The following SCFD1 variants were observed in gnomAD, a reference collection of about 807,000 sequenced individuals.
SCFD1 encodes the protein sec1 family domain containing 1.
Under a neutral mutation model 103.2 loss-of-function variants are expected in SCFD1, and 37 were observed. The ratio of observed to expected loss-of-function variants is 0.36; its 90% CI spans 0.28 to 0.47. SCFD1 has a LOEUF of 0.47. SCFD1 is among the 20% of genes least tolerant of loss of function. SCFD1 has a pLI of 1.00. For missense variants in SCFD1, 639 were observed against 761.2 expected (o/e 0.84, Z 1.89); for synonymous variants, 264 against 245.0 (o/e 1.08, Z -0.73).
intron 18 of SCFD1, 50 bp from the exon 19 acceptor site, chr14:30,707,940 G>T: frequency 8.3e-7 from 1 of 1,201,730 alleles, no homozygotes; most frequent in Non-Finnish European, 1.2e-6. Flanking sequence ...ATAACAGATT[G>T]GAGAGGCACT....
intron 23 of SCFD1, among the ~76,000 whole-genome samples, chr14:30,732,238 A>C (rs911927468): frequency 6.6e-6 from 1 of 152,170 alleles, no homozygotes; most frequent in Non-Finnish European, 1.5e-5. Flanking sequence ...TCTATATACA[A>C]GATCATGTTA....
At chr14:30,714,224 G>A (rs992094812) in intron 19 of SCFD1, among the ~76,000 whole-genome samples, 5 of 151,704 alleles carry the variant, frequency 3.3e-5, no homozygotes, top group African/African-American at 4.8e-5. Flanking sequence ...CGCAGTGGCG[G>A]GCGCCTGTAG....
chr14:30,689,939 GT>G (rs1890118933), intron 14 of SCFD1, among the ~76,000 whole-genome samples: 1 of 27,600 alleles, frequency 3.6e-5, no homozygotes, highest in African/African-American at 1.5e-4. Flanking sequence ...CATCTTTGTG[GT>G]TTTATCTACT....
intron 3 of SCFD1, among the ~76,000 whole-genome samples, chr14:30,631,960 A>G (rs1209425913): frequency 1.4e-5 from 2 of 147,762 alleles, no homozygotes; most frequent in African/African-American, 4.9e-5. Flanking sequence ...AGGAAGGACA[A>G]TTGCTTGAAC....
chr14:30,694,518 A>G (rs1321799438), intron 14 of SCFD1, among the ~76,000 whole-genome samples: 1 of 152,040 alleles, frequency 6.6e-6, no homozygotes. Flanking sequence ...TAAAAAAAAA[A>G]TACGGAAAAA....
intron 19 of SCFD1, among the ~76,000 whole-genome samples, chr14:30,709,822 G>A (rs747599599): frequency 3.3e-5 from 5 of 152,098 alleles, no homozygotes; most frequent in Non-Finnish European, 5.9e-5. Flanking sequence ...AACTTCTACG[G>A]TAATGTCTGC....
intron 15 of SCFD1, among the ~76,000 whole-genome samples, chr14:30,697,112 G>A (rs933112684): frequency 2.0e-5 from 3 of 152,160 alleles, no homozygotes; most frequent in Non-Finnish European, 4.4e-5. Context: ...TCTGCCAACT[G>A]AAAGGGCCTG....
intron 16 of SCFD1, among the ~76,000 whole-genome samples, chr14:30,701,787 T>C (rs190837857): frequency 1.2e-3 from 181 of 151,810 alleles, no homozygotes; most frequent in Non-Finnish European, 1.4e-3. Context: ...GCCAGACTTA[T>C]CAGAAAATGA....
At chr14:30,642,078 A>G (rs1453431860) in intron 6 of SCFD1, among the ~76,000 whole-genome samples, 1 of 152,002 alleles carries the variant, frequency 6.6e-6, no homozygotes, top group Admixed American at 6.6e-5. Flanking sequence ...GTGCTTGTCA[A>G]AATTATAGGT....
At position 30,623,519 on chromosome 14, in the gene SCFD1, G is replaced by A. The variant is rs202222292; in HGVS notation, c.61+1120G>A. ...ATATAGGGAAGTTCAAATAAGATTT[G>A]GGGCATACCTGCCATTCGTTGTATA... On this transcript the variant is annotated intron_variant, in intron 1 of 24. Coordinates refer to ENST00000458591, the MANE Select transcript of SCFD1 (RefSeq NM_016106.4). Among the ~76,000 whole-genome samples, 12 of 152,230 alleles carry A rather than the reference G, an allele frequency of 7.9e-5. No homozygotes were observed. The East Asian group carries it at 9.6e-4, about 12-fold the overall frequency.
At chr14:30,712,467 A>G (rs1891952802) in intron 19 of SCFD1, among the ~76,000 whole-genome samples, 1 of 152,162 alleles carries the variant, frequency 6.6e-6, no homozygotes, top group Non-Finnish European at 1.5e-5. Context: ...ACACTTCCCT[A>G]TTTTGGTTAT....
chr14:30,692,427 G>C (rs1480242864), intron 14 of SCFD1, among the ~76,000 whole-genome samples: 2 of 152,112 alleles, frequency 1.3e-5, no homozygotes, highest in African/African-American at 4.8e-5. Flanking sequence ...TTTTGGCCAA[G>C]GAGGAGACTG....
intron 4 of SCFD1, chr14:30,634,960 T>A: frequency 2.2e-6 from 1 of 456,000 alleles, no homozygotes; most frequent in Non-Finnish European, 4.4e-6. Flanking sequence ...AAGTCAATAT[T>A]TAGATGAGTC....
At chr14:30,708,529 TTA>T (rs1891639156) in intron 19 of SCFD1, among the ~76,000 whole-genome samples, 1 of 108,442 alleles carries the variant, frequency 9.2e-6, no homozygotes, top group African/African-American at 6.5e-5. Flanking sequence ...TTATACTTTT[TTA>T]AAAAAAAATT....
chr14:30,667,717 A>G (rs1888132780), intron 10 of SCFD1, among the ~76,000 whole-genome samples: 1 of 152,246 alleles, frequency 6.6e-6, no homozygotes, highest in Non-Finnish European at 1.5e-5. Context: ...GTCTCAGGAT[A>G]CAAAATCAAT....
chr14:30,658,313 T>TA lies in SCFD1; in HGVS notation c.855+4735dup, dbSNP rs966693097. 5.6e-3 allele frequency: 855 copies of TA among 151,438 alleles called. 9 individuals carry two copies. The highest frequency in any genetic ancestry group is 0.018 in the African/African-American group (752 of 40,856). The allele number at this position is 151,438 out of a possible 1,614,324, so 9.4% of individuals were successfully genotyped here. ...GTTTACCTTTTTTTCCAGTCAAGAA[T>TA]AAAAAAAAAATGGTTTCCAAATAAA... On this transcript the variant is annotated intron_variant, in intron 10 of 24. Transcript: ENST00000458591.
chr14:30,696,191 CTG>C (rs1166848690), intron 15 of SCFD1, among the ~76,000 whole-genome samples: 1 of 152,136 alleles, frequency 6.6e-6, no homozygotes, highest in Non-Finnish European at 1.5e-5. Flanking sequence ...AAAGTCCAAA[CTG>C]TTTTATAATT....
chr14:30,710,828 G>C (rs1027313530), intron 19 of SCFD1, among the ~76,000 whole-genome samples: 1 of 152,122 alleles, frequency 6.6e-6, no homozygotes, highest in Non-Finnish European at 1.5e-5. Flanking sequence ...GATCAGTTCT[G>C]TTTCACTCTT....
chr14:30,707,288 C>T (rs553457594), intron 18 of SCFD1, among the ~76,000 whole-genome samples: 2 of 152,316 alleles, frequency 1.3e-5, no homozygotes, highest in Non-Finnish European at 1.5e-5. Flanking sequence ...TCCCACAAAA[C>T]ATCTTTTAAT....
Sources: allele counts gnomAD v4.1 joint callset (sites outside exome capture counted in the v4.1 genomes callset), GRCh38; gene constraint gnomAD v4.1.1; transcripts MANE v1.5; gene names NCBI Gene and HGNC (gene_info 2026-07-23, HGNC 2026-07-21).